TRPM8: variants seen among roughly 807,000 people sequenced by gnomAD.
TRPM8 encodes TRPM8 cationic channel.
In TRPM8, 110 loss-of-function variants were observed where a neutral mutation model predicts 133.7. That is an observed-to-expected ratio of 0.82 (90% CI 0.70 to 0.96). The LOEUF is 0.96. Ranked by LOEUF, TRPM8 falls within the 40% of genes least tolerant of loss-of-function variation. TRPM8 has a pLI of 0.00. For missense variants in TRPM8, 1,291 were observed against 1,379.5 expected, an observed-to-expected ratio of 0.94 and a Z score of 1.02; for synonymous variants, 535 against 532.3, an observed-to-expected ratio of 1.01 and a Z score of -0.07.
chr2:233,950,543 G>A (rs1259607439), intron 9 of TRPM8, among the ~76,000 whole-genome samples: 1 of 152,200 alleles, frequency 6.6e-6, no homozygotes, highest in African/African-American at 2.4e-5. Context: ...GCAGAACATT[G>A]CGACTGCATA....
At chr2:233,996,164 TC>T (rs1169542814) in intron 21 of TRPM8, among the ~76,000 whole-genome samples, 161 bp from the exon 22 acceptor site, 1 of 152,034 alleles carries the variant, frequency 6.6e-6, no homozygotes, top group African/African-American at 2.4e-5. Flanking sequence ...CACTTTCACT[TC>T]CTGCTGAGTT....
At chr2:233,972,629 C>A (rs531221199) in intron 17 of TRPM8, among the ~76,000 whole-genome samples, 1 of 152,236 alleles carries the variant, frequency 6.6e-6, no homozygotes, top group South Asian at 2.1e-4. Context: ...AAGGCAGCTA[C>A]GGCCCGGTGA....
chr2:234,004,791 A>G (rs997759398), intron 22 of TRPM8, among the ~76,000 whole-genome samples: 1 of 152,228 alleles, frequency 6.6e-6, no homozygotes, highest in Non-Finnish European at 1.5e-5. Flanking sequence ...TTGTCAACAC[A>G]CTGGTGTTTA....
Position 233,992,175 on chromosome 2 carries a change from T to A in TRPM8, c.2940-4151T>A, listed in dbSNP as rs533360573. On this transcript the variant is annotated intron_variant, in intron 21 of 25. Coordinates refer to ENST00000324695, the MANE Select transcript of TRPM8 (RefSeq NM_024080.5). ...GTAAGAAGGTTATTAAAGTTTTCCTTATTTATTCTGGAATGAGTCTCCTTA... is the reference window on the plus strand; with the variant it reads ...GTAAGAAGGTTATTAAAGTTTTCCTAATTTATTCTGGAATGAGTCTCCTTA... Among the ~76,000 whole-genome samples the A allele has an allele frequency of 6.2e-4, 94 of 152,296 alleles. 1 individual carries two copies. Among genetic ancestry groups the A allele is most frequent in the Non-Finnish European group, 1.2e-3 (81 of 68,032 alleles).
intron 6 of TRPM8, among the ~76,000 whole-genome samples, chr2:233,944,122 C>A (rs1690984403): frequency 6.6e-6 from 1 of 151,972 alleles, no homozygotes; most frequent in Non-Finnish European, 1.5e-5. Flanking sequence ...ATAATAATAA[C>A]CTGTATTGTT....
At chr2:233,966,437 T>C in intron 14 of TRPM8, among the ~76,000 whole-genome samples, 173 bp from the exon 15 acceptor site, 1 of 152,206 alleles carries the variant, frequency 6.6e-6, no homozygotes, top group Middle Eastern at 3.2e-3. Flanking sequence ...CTTCAGAAAA[T>C]TCTGCTATTC....
In TRPM8 at chr2:233,966,873, G is replaced by A. The variant is rs1691590741; in HGVS notation, c.2025+118G>A. 3 of 1,319,958 alleles carry A rather than the reference G, an allele frequency of 2.3e-6. No homozygotes were observed. In the Admixed American group the frequency reaches 9.3e-5, roughly 41 times the overall value. 81.8% of individuals were successfully genotyped at this position (1,319,958 alleles called of 1,614,324 possible). A position where few individuals can be genotyped will look rare whatever the true frequency, so the allele number is the denominator to read the frequency against. On this transcript the variant is annotated intron_variant, in intron 15 of 25. Transcript: ENST00000324695. ...CTTATTCTCCAATATAAAAGCCATA[G>A]AAGGAGTGGTTTGGTGATGATGTGG... is the stretch of plus-strand genomic sequence containing the variant.
chr2:233,983,053 CT>C lies in TRPM8; in HGVS notation c.2591del (p.Leu864ArgfsTer162). On this transcript the variant is annotated frameshift_variant and splice_region_variant, in exon 20 of 26. Coordinates refer to ENST00000324695, the MANE Select transcript of TRPM8 (RefSeq NM_024080.5). LOFTEE classifies it high-confidence loss of function. ...GPKIIMLQRM[L>X]IDVFFFLFLF... ...CCGCTCTCCTGTCCTCCCCTGACAG[CT>C]GATCGATGTGTTCTTCTTCCTGTTC... 1.9e-6 allele frequency: 3 copies of C among 1,611,638 alleles called. No homozygotes were observed. The highest frequency in any genetic ancestry group is 1.7e-6 in the Non-Finnish European group (2 of 1,177,950).
At chr2:233,939,879 A>G (rs1690862398) in intron 5 of TRPM8, among the ~76,000 whole-genome samples, 1 of 152,170 alleles carries the variant, frequency 6.6e-6, no homozygotes, top group Non-Finnish European at 1.5e-5. Context: ...CCCTCCTGTG[A>G]GAGGGGGTTT....
rs114042744 is a variant in TRPM8, at chr2:233,932,898, T to A, written c.191+2157T>A. On this transcript the variant is annotated intron_variant, in intron 3 of 25. Transcript: ENST00000324695. ...AATTTTATTGATACCCTGGTTTTGCTGTTACTTGCCACACTAGATGACCTA... is the reference window on the plus strand; with the variant it reads ...AATTTTATTGATACCCTGGTTTTGCAGTTACTTGCCACACTAGATGACCTA... 6.8e-3 allele frequency among the ~76,000 whole-genome samples: 1,023 copies of A among 149,586 alleles called. 9 individuals are homozygous for A. Among genetic ancestry groups the A allele is most frequent in the African/African-American group, 0.024 (985 of 40,430 alleles).
intron 9 of TRPM8, among the ~76,000 whole-genome samples, chr2:233,950,505 G>A (rs1691148989): frequency 6.6e-6 from 1 of 152,198 alleles, no homozygotes; most frequent in Admixed American, 6.5e-5. Context: ...TGATGATGAA[G>A]GCAAAGTTGA....
chr2:233,950,117 G>A lies in TRPM8; in HGVS notation c.1111G>A (p.Glu371Lys). 6.2e-7 allele frequency: 1 copy of A among 1,613,218 alleles called. No individual in the cohort carries two copies. Among genetic ancestry groups the A allele is most frequent in the East Asian group, 2.2e-5 (1 of 44,882 alleles). Residue 371 changes from glutamate to lysine, a missense_variant, in exon 9 of 26, where the codon GAG (glutamate) becomes AAG (lysine). Transcript: ENST00000324695. The part of the protein sequence containing the change: ...FLPRTVSRLP[E>K]EETESWIKWL... ...ACCCCGCACGGTGTCCCGGCTGCCT[G>A]AGGAGGAGACTGAGAGTTGGATCAA...
chr2:233,992,218 T>G (rs1473534808), intron 21 of TRPM8, among the ~76,000 whole-genome samples: 3 of 152,158 alleles, frequency 2.0e-5, no homozygotes, highest in Non-Finnish European at 4.4e-5. Context: ...ACTTTTCTTT[T>G]TTTTTCTTTT....
chr2:234,008,445 C>A (rs916866894), intron 24 of TRPM8, among the ~76,000 whole-genome samples: 1 of 152,150 alleles, frequency 6.6e-6, no homozygotes, highest in Non-Finnish European at 1.5e-5. Flanking sequence ...AGCCAGTGTG[C>A]CTTGATGCTA....
At chr2:233,927,234 T>C (rs1410827357) in intron 2 of TRPM8, among the ~76,000 whole-genome samples, 1 of 152,192 alleles carries the variant, frequency 6.6e-6, no homozygotes, top group Non-Finnish European at 1.5e-5. Flanking sequence ...CGGCTAGCTT[T>C]GGAAAGTAGG....
intron 17 of TRPM8, among the ~76,000 whole-genome samples, chr2:233,973,020 C>T (rs116518471): frequency 0.014 from 2,100 of 152,344 alleles, 58 homozygotes; most frequent in African/African-American, 0.048. Context: ...TGCCAGCACG[C>T]TGTCACCTCT....
At position 234,008,094 on chromosome 2, in the gene TRPM8, G is replaced by T. The variant is rs201353739; in HGVS notation, c.3255G>T (p.Leu1085=). The change falls in exon 24 of 26, where the codon CTG becomes CTT. Residue 1085 remains leucine, a synonymous_variant. Coordinates refer to ENST00000324695, the MANE Select transcript of TRPM8 (RefSeq NM_024080.5). ...SEEMRHRFRQ[L]DTKLNDLKGL... is the part of the protein sequence containing the mutation. Reference sequence around the variant, plus strand: ...GAATGAGGCATCGATTTAGACAACTGGATACAAAGGTATGGTTCTGTTAAT... The same window carrying T: ...GAATGAGGCATCGATTTAGACAACTTGATACAAAGGTATGGTTCTGTTAAT... The T allele has an allele frequency of 2.5e-6, 4 of 1,600,290 alleles. No homozygotes were observed. The African/African-American group carries it at 5.4e-5, about 22-fold the overall frequency.
chr2:233,970,626 G>T (rs767319352), intron 17 of TRPM8, 200 bp downstream of exon 17: 2 of 595,712 alleles, frequency 3.4e-6, no homozygotes, highest in Non-Finnish European at 6.0e-6. Flanking sequence ...CTAGTACCAA[G>T]TTTATTCTTT....
intron 24 of TRPM8, among the ~76,000 whole-genome samples, chr2:234,008,640 A>G (rs905559640): frequency 6.6e-6 from 1 of 152,196 alleles, no homozygotes; most frequent in African/African-American, 2.4e-5. Flanking sequence ...CTAGGCTCTG[A>G]AGAGGAGATG....
Sources: allele counts gnomAD v4.1 joint callset (sites outside exome capture counted in the v4.1 genomes callset), GRCh38; gene constraint gnomAD v4.1.1; transcripts MANE v1.5; gene names NCBI Gene and HGNC (gene_info 2026-07-23, HGNC 2026-07-21).